Variants in RFC3 observed in about 807,000 individuals in gnomAD.
RFC3 encodes the protein A1 38 kDa subunit.
In RFC3, 41 loss-of-function variants were observed where a neutral mutation model predicts 45.1. That is an observed-to-expected ratio of 0.91 (90% confidence interval 0.71 to 1.18). The LOEUF (loss-of-function observed/expected upper bound fraction) is 1.18. Among genes scored for constraint, RFC3 ranks in the 50% most tolerant of loss-of-function variants. The pLI is 0.00. For missense variants in RFC3, 423 were observed against 428.1 expected, an observed-to-expected ratio of 0.99 and a Z score of 0.10; for synonymous variants, 149 against 144.0, an observed-to-expected ratio of 1.03 and a Z score of -0.25.
intron 8 of RFC3, among the ~76,000 whole-genome samples, chr13:33,882,994 GTT>G: frequency 6.6e-6 from 1 of 152,146 alleles, no homozygotes; most frequent in Non-Finnish European, 1.5e-5. Flanking sequence ...GTTCCAGTTT[GTT>G]TACACATTCA....
chr13:33,961,289 T>C (rs992643291), intron 8 of RFC3, among the ~76,000 whole-genome samples: 5 of 152,168 alleles, frequency 3.3e-5, no homozygotes, highest in African/African-American at 9.7e-5. Flanking sequence ...CAGAACTCCT[T>C]CCATTTCCTC....
At chr13:33,833,332 A>G (rs3135622) in intron 7 of RFC3, among the ~76,000 whole-genome samples, 4,533 of 152,220 alleles carry the variant, frequency 0.03, 134 homozygotes, top group African/African-American at 0.069. Context: ...TTTAATTGAT[A>G]TAACACACCT....
chr13:33,879,409 T>C (rs2082467838), intron 8 of RFC3, among the ~76,000 whole-genome samples: 1 of 152,166 alleles, frequency 6.6e-6, no homozygotes, highest in South Asian at 2.1e-4. Context: ...CATTAGCAAC[T>C]CTATGCTTGG....
intron 8 of RFC3, among the ~76,000 whole-genome samples, chr13:33,931,799 C>T (rs1044037486): frequency 1.3e-5 from 2 of 152,034 alleles, no homozygotes; most frequent in African/African-American, 4.8e-5. Context: ...AATTTATAGT[C>T]ACCTACGTTT....
At chr13:33,840,917 A>G (rs3135653), downstream of RFC3, among the ~76,000 whole-genome samples, 825 of 152,298 alleles carry the variant, frequency 5.4e-3, 5 homozygotes, top group African/African-American at 0.015. Context: ...CAGACCATAC[A>G]TGGTGCCATT....
chr13:33,936,898 G>A (rs1260015585), intron 8 of RFC3, among the ~76,000 whole-genome samples: 4 of 152,080 alleles, frequency 2.6e-5, no homozygotes, highest in African/African-American at 9.7e-5. Context: ...CCTAGAAATT[G>A]TATAATTGAC....
chr13:33,910,911 T>C (rs2082700303), intron 8 of RFC3, among the ~76,000 whole-genome samples: 1 of 151,640 alleles, frequency 6.6e-6, no homozygotes, highest in Non-Finnish European at 1.5e-5. Flanking sequence ...CCACACACTT[T>C]TAAACAACCA....
intron 8 of RFC3, among the ~76,000 whole-genome samples, chr13:33,929,384 G>A (rs1444204341): frequency 1.3e-5 from 2 of 152,056 alleles, no homozygotes; most frequent in Non-Finnish European, 2.9e-5. Context: ...CATATTGCAA[G>A]TCAATGGAAA....
Position 33,821,140 on chromosome 13 carries a change from T to C in RFC3, c.96T>C (p.Cys32=), listed in dbSNP as rs1037982757. The C allele has an allele frequency of 1.9e-6, 3 of 1,613,660 alleles. No homozygotes were observed. The part of the protein sequence containing the change: ...QAAQLRNLVQ[C]GDFPHLLVYG... ...TTGTTCTTTTTTTTCAGGTGCAGTG[T>C]GGTGACTTTCCTCATCTGTTAGTGT... is the stretch of plus-strand genomic sequence containing the variant. The change falls in exon 2 of 9, where the codon TGT becomes TGC. Residue 32 remains cysteine, a synonymous_variant. Coordinates refer to ENST00000380071, the MANE Select transcript of RFC3 (RefSeq NM_002915.4).
At chr13:33,946,606 G>A (rs1472673200) in intron 8 of RFC3, among the ~76,000 whole-genome samples, 1 of 151,980 alleles carries the variant, frequency 6.6e-6, no homozygotes, top group Non-Finnish European at 1.5e-5. Flanking sequence ...GAGAAAAATG[G>A]CATAGTTTTA....
At chr13:33,897,216 G>A (rs2082605825) in intron 8 of RFC3, among the ~76,000 whole-genome samples, 2 of 151,944 alleles carry the variant, frequency 1.3e-5, no homozygotes, top group South Asian at 4.1e-4. Context: ...TTAAGAGATA[G>A]ACAATATAAA....
intron 8 of RFC3, among the ~76,000 whole-genome samples, chr13:33,888,868 C>T (rs1053965464): frequency 6.6e-6 from 1 of 151,850 alleles, no homozygotes; most frequent in Non-Finnish European, 1.5e-5. Flanking sequence ...GTCTCAGCCT[C>T]CTGAGTAGCT....
At chr13:33,961,729 C>G (rs2083058336) in intron 8 of RFC3, among the ~76,000 whole-genome samples, 1 of 152,152 alleles carries the variant, frequency 6.6e-6, no homozygotes, top group Non-Finnish European at 1.5e-5. Context: ...AAGAGGAACA[C>G]TCAAGACAGC....
At chr13:33,894,759 T>C (rs1222945974) in intron 8 of RFC3, among the ~76,000 whole-genome samples, 1 of 152,020 alleles carries the variant, frequency 6.6e-6, no homozygotes, top group Non-Finnish European at 1.5e-5. Flanking sequence ...TCAAATTATA[T>C]TACAAGGTGA....
rs189739877 is a variant in RFC3, at chr13:33,940,985, C to T, written c.880-25102C>T. 2.5e-3 allele frequency among the ~76,000 whole-genome samples: 379 copies of T among 152,332 alleles called. 3 individuals are homozygous for T. In the South Asian group the frequency reaches 0.025, roughly 10 times the overall value. ...TAAAAATGGGTCCCCAGAGAATCTC[C>T]GACCCAACCCACAAGTGTTTACATC... is the stretch of plus-strand genomic sequence containing the variant. On this transcript the variant is annotated intron_variant, in intron 8 of 8. Transcript: ENST00000434425.
At position 33,825,850 on chromosome 13, in the gene RFC3, C is replaced by A; in HGVS notation, c.355C>A (p.Gln119Lys). The A allele has an allele frequency of 6.2e-7, 1 of 1,608,234 alleles. No homozygotes were observed. Among genetic ancestry groups the A allele is most frequent in the Non-Finnish European group, 8.5e-7 (1 of 1,177,236 alleles). The stretch of plus-strand genomic sequence containing the variant: ...GATGTTGAAAACAGTGGCACAATCA[C>A]AACAACTTGAAACAAACTCTCAAAG... ...QEMLKTVAQS[Q>K]QLETNSQRDF... Residue 119 changes from glutamine (Q) to lysine (K), a missense_variant, in exon 4 of 9, where the codon CAA becomes AAA. Coordinates refer to ENST00000380071, the MANE Select transcript of RFC3 (RefSeq NM_002915.4).
At chr13:33,952,626 T>G (rs1593715546) in intron 8 of RFC3, among the ~76,000 whole-genome samples, 2 of 152,318 alleles carry the variant, frequency 1.3e-5, no homozygotes, top group East Asian at 3.9e-4. Flanking sequence ...TCTCTTCAAA[T>G]CACCCTCTTA....
chr13:33,901,126 A>C (rs1198152023), intron 8 of RFC3, among the ~76,000 whole-genome samples: 2 of 152,058 alleles, frequency 1.3e-5, no homozygotes, highest in Non-Finnish European at 2.9e-5. Flanking sequence ...TGTAGAAAAC[A>C]ATATGGAAAT....
At chr13:33,855,584 C>G (rs1392289231) in intron 8 of RFC3, among the ~76,000 whole-genome samples, 2 of 152,152 alleles carry the variant, frequency 1.3e-5, no homozygotes, top group Non-Finnish European at 2.9e-5. Flanking sequence ...CTAATTTACC[C>G]TCCCACCAGC....
Sources: allele counts gnomAD v4.1 joint callset (sites outside exome capture counted in the v4.1 genomes callset), GRCh38; gene constraint gnomAD v4.1.1; transcripts MANE v1.5; gene names NCBI Gene and HGNC (gene_info 2026-07-23, HGNC 2026-07-21).